The following ASTN2 variants were observed in gnomAD, a reference collection of about 807,000 sequenced individuals.
The protein encoded by ASTN2 is astrotactin 2, also known as astrotactin-2.
In ASTN2, 54 loss-of-function variants were observed where a neutral mutation model predicts 139.8. The observed-to-expected ratio is 0.39, with a 90% CI of 0.31 to 0.48. The LOEUF (loss-of-function observed/expected upper bound fraction) is 0.48, where lower values mean the gene tolerates loss of function less well. Ranked by LOEUF, ASTN2 falls within the 20% of genes least tolerant of loss-of-function variation. The pLI is 0.95. For missense variants in ASTN2, 1,565 were observed against 1,725.1 expected (o/e 0.91, Z 1.64); for synonymous variants, 756 against 719.5 (o/e 1.05, Z -0.81).
At chr9:116,647,138 G>A (rs938101827) in intron 17 of ASTN2, among the ~76,000 whole-genome samples, 2 of 152,090 alleles carry the variant, frequency 1.3e-5, no homozygotes, top group African/African-American at 4.8e-5. Flanking sequence ...CTCTGACTGC[G>A]TAAGGCCCCT....
At chr9:116,725,983 G>A (rs1353061823) in intron 15 of ASTN2, 33 bp from the exon 16 acceptor site, 2 of 1,577,482 alleles carry the variant, frequency 1.3e-6, no homozygotes, top group East Asian at 2.2e-5. Context: ...GAGGTGGTCA[G>A]ATGTGAGAGG....
chr9:117,045,979 T>TGTAC (rs1211768177), intron 5 of ASTN2, among the ~76,000 whole-genome samples: 26 of 124,642 alleles, frequency 2.1e-4, no homozygotes, highest in African/African-American at 6.4e-4. Context: ...TATGTATGTA[T>TGTAC]GTACGTACGT....
intron 10 of ASTN2, among the ~76,000 whole-genome samples, chr9:116,942,508 G>A (rs1333253195): frequency 6.6e-6 from 1 of 152,168 alleles, no homozygotes; most frequent in Non-Finnish European, 1.5e-5. Context: ...CCTGCATCCA[G>A]CTTCAAAATG....
At chr9:117,103,695 T>C (rs1829036006) in intron 4 of ASTN2, among the ~76,000 whole-genome samples, 1 of 152,176 alleles carries the variant, frequency 6.6e-6, no homozygotes, top group African/African-American at 2.4e-5. Context: ...CGTGTCTTCC[T>C]CAAGCTGGTG....
chr9:116,492,413 G>A (rs1456438437), intron 19 of ASTN2, among the ~76,000 whole-genome samples: 2 of 152,112 alleles, frequency 1.3e-5, no homozygotes, highest in Non-Finnish European at 2.9e-5. Context: ...CAACATAACA[G>A]AGTAGAGATA....
chr9:117,287,043 GCAA>G (rs977191718), intron 2 of ASTN2, among the ~76,000 whole-genome samples: 7 of 152,066 alleles, frequency 4.6e-5, no homozygotes, highest in African/African-American at 1.7e-4. Context: ...TAAATGAAGG[GCAA>G]CAACATTACT....
intron 4 of ASTN2, among the ~76,000 whole-genome samples, chr9:117,098,673 A>G (rs1828896396): frequency 6.6e-6 from 1 of 152,094 alleles, no homozygotes; most frequent in African/African-American, 2.4e-5. Flanking sequence ...TTAGCTTTGA[A>G]GTGGAATTGG....
intron 16 of ASTN2, among the ~76,000 whole-genome samples, chr9:116,666,946 ATTCTTT>A (rs1858899540): frequency 3.4e-5 from 4 of 118,662 alleles, no homozygotes; most frequent in African/African-American, 1.2e-4. Context: ...TTATTTATTT[ATTCTTT>A]TTTTTTTTTT....
At chr9:117,329,640 A>T (rs1828638517) in intron 1 of ASTN2, among the ~76,000 whole-genome samples, 1 of 152,166 alleles carries the variant, frequency 6.6e-6, no homozygotes, top group African/African-American at 2.4e-5. Context: ...TGGAGGTGAG[A>T]GGAGAAACCA....
chr9:117,337,265 G>C (rs1828916785), intron 1 of ASTN2, among the ~76,000 whole-genome samples: 1 of 152,100 alleles, frequency 6.6e-6, no homozygotes, highest in African/African-American at 2.4e-5. Flanking sequence ...GGGTTAAATG[G>C]CATATTCAAA....
At chr9:117,087,499 A>G (rs1446557449) in intron 5 of ASTN2, among the ~76,000 whole-genome samples, 1 of 152,138 alleles carries the variant, frequency 6.6e-6, no homozygotes, top group African/African-American at 2.4e-5. Flanking sequence ...AAGTACCGAG[A>G]TTACAGGAGT....
chr9:116,535,811 G>A (rs892357662), intron 19 of ASTN2, among the ~76,000 whole-genome samples: 1 of 152,022 alleles, frequency 6.6e-6, no homozygotes, highest in Non-Finnish European at 1.5e-5. Context: ...TTTCAACTTT[G>A]GTGAATCTGA....
intron 2 of ASTN2, among the ~76,000 whole-genome samples, chr9:117,259,784 G>T (rs1833778524): frequency 1.3e-5 from 2 of 152,062 alleles, no homozygotes; most frequent in African/African-American, 4.8e-5. Context: ...GACCACTTCG[G>T]ACACCTGTTG....
At chr9:117,056,851 G>C (rs1004190943) in intron 5 of ASTN2, among the ~76,000 whole-genome samples, 6 of 152,210 alleles carry the variant, frequency 3.9e-5, no homozygotes, top group African/African-American at 1.4e-4. Context: ...AACATGATTA[G>C]AGTCGCACAG....
intron 19 of ASTN2, among the ~76,000 whole-genome samples, chr9:116,551,652 C>A (rs956924580): frequency 2.0e-5 from 3 of 152,162 alleles, no homozygotes; most frequent in African/African-American, 7.2e-5. Context: ...CCGCTCTGCC[C>A]ACTGTCTTTT....
At chr9:116,721,069 C>T (rs1019973282) in intron 16 of ASTN2, among the ~76,000 whole-genome samples, 6 of 152,214 alleles carry the variant, frequency 3.9e-5, no homozygotes, top group Admixed American at 1.3e-4. Context: ...ATGTGGCAGC[C>T]TTGGGTGGAG....
chr9:117,025,231 G>A lies in ASTN2; in HGVS notation c.1423+14588C>T, dbSNP rs370040860. Among the ~76,000 whole-genome samples, 3 of 152,260 alleles carry A rather than the reference G, an allele frequency of 2.0e-5. No homozygotes were observed. In the East Asian group the frequency reaches 5.8e-4, roughly 29 times the overall value. On this transcript the variant is annotated intron_variant, in intron 6 of 22. Transcript: ENST00000313400. ...TTTGGCCTGAGGATGAGATGCCCAA[G>A]GAGGAGAATGGGCTAAGATTAGGCT...
chr9:117,247,352 G>C (rs1334910349), intron 2 of ASTN2, among the ~76,000 whole-genome samples: 2 of 152,206 alleles, frequency 1.3e-5, no homozygotes, highest in Non-Finnish European at 2.9e-5. Context: ...CAGTAGAACA[G>C]AAACCTGTCT....
intron 6 of ASTN2, among the ~76,000 whole-genome samples, chr9:117,018,657 G>T (rs10817976): frequency 0.25 from 38,472 of 152,036 alleles, 5,040 homozygotes; most frequent in Non-Finnish European, 0.28. Context: ...TGCCTTGACA[G>T]TTCATCATTT....
Sources: allele counts gnomAD v4.1 joint callset (sites outside exome capture counted in the v4.1 genomes callset), GRCh38; gene constraint gnomAD v4.1.1; transcripts MANE v1.5; gene names NCBI Gene and HGNC (gene_info 2026-07-23, HGNC 2026-07-21).